KAZN: variants seen among roughly 807,000 people sequenced by gnomAD.
KAZN encodes kazrin.
KAZN carries 40 observed loss-of-function variants against 87.4 expected under a neutral mutation model. The observed-to-expected ratio is 0.46, with a 90% confidence interval of 0.36 to 0.60. The LOEUF is 0.60. Among genes scored for constraint, KAZN ranks in the 20% least tolerant of loss-of-function variants. KAZN has a pLI of 0.00. For synonymous variants in KAZN, 466 were observed against 458.3 expected, an observed-to-expected ratio of 1.02 and a Z score of -0.22; for missense variants, 898 against 1,073.9, an observed-to-expected ratio of 0.84 and a Z score of 2.29.
In KAZN at chr1:14,129,156, A is replaced by T. The variant is rs186391637; in HGVS notation, c.92-51279A>T. Among the ~76,000 whole-genome samples the T allele has an allele frequency of 4.3e-4, 65 of 152,280 alleles. No homozygotes were observed. The East Asian group carries it at 9.1e-3, about 21-fold the overall frequency. ...ATAGGGACTCACATGGTACCCTATC[A>T]GTGGAGTTGAATTTATTGAAGTTGC... On this transcript the variant is annotated intron_variant, in intron 1 of 16. Coordinates refer to the KAZN transcript ENST00000636203.
At chr1:14,587,874 T>A (rs921079836) in intron 2 of KAZN, among the ~76,000 whole-genome samples, 2 of 152,108 alleles carry the variant, frequency 1.3e-5, no homozygotes, top group African/African-American at 4.8e-5. Flanking sequence ...AGATGACTGT[T>A]CCAACATCAT....
chr1:14,511,116 A>G (rs374786410), intron 2 of KAZN, among the ~76,000 whole-genome samples: 204 of 139,362 alleles, frequency 1.5e-3, no homozygotes, highest in African/African-American at 5.2e-3. Context: ...GGGGGGTGGG[A>G]GGGTGGTCCC....
At chr1:14,815,046 G>A (rs1646523043) in intron 1 of KAZN, among the ~76,000 whole-genome samples, 6 of 152,116 alleles carry the variant, frequency 3.9e-5, no homozygotes, top group Admixed American at 2.0e-4. Flanking sequence ...CCTGAGTGGG[G>A]CTCTGATCAG....
intron 2 of KAZN, among the ~76,000 whole-genome samples, chr1:14,269,225 A>G (rs1046428231): frequency 1.3e-5 from 2 of 152,156 alleles, no homozygotes; most frequent in Non-Finnish European, 2.9e-5. Context: ...CACGTATATA[A>G]ACAGATACAC....
At chr1:15,103,682 A>T (rs1016618819) in intron 12 of KAZN, among the ~76,000 whole-genome samples, 1 of 151,558 alleles carries the variant, frequency 6.6e-6, no homozygotes, top group Non-Finnish European at 1.5e-5. Flanking sequence ...GGAGGAGGGA[A>T]CTGCTTACCT....
chr1:14,837,114 A>T (rs1647337978), intron 1 of KAZN, among the ~76,000 whole-genome samples: 1 of 152,162 alleles, frequency 6.6e-6, no homozygotes, highest in African/African-American at 2.4e-5. Context: ...TTTTTAAAAA[A>T]TTTTTAGAAA....
chr1:14,594,915 G>A (rs574680323), upstream of KAZN, among the ~76,000 whole-genome samples: 1 of 152,282 alleles, frequency 6.6e-6, no homozygotes, highest in South Asian at 2.1e-4. Flanking sequence ...GGGAGGCCAA[G>A]GCAGGTGGAT....
rs560321791 is a variant in KAZN at position 14,873,638 on chromosome 1, A to T, written c.227-87046A>T. Among the ~76,000 whole-genome samples the T allele has an allele frequency of 2.9e-4, 44 of 152,338 alleles. 1 individual carries two copies. The highest frequency in any genetic ancestry group is 7.9e-4 in the African/African-American group (33 of 41,594). On this transcript the variant is annotated intron_variant, in intron 1 of 14. Coordinates refer to ENST00000376030, the MANE Select transcript of KAZN (RefSeq NM_201628.3). ...GGAAGACTTTGCTTTCCTCTCAGTG[A>T]AATGAGAAGCCAGTGGTGGGCTTTG...
chr1:14,073,454 G>T (rs1643323056), intron 1 of KAZN, among the ~76,000 whole-genome samples: 1 of 151,910 alleles, frequency 6.6e-6, no homozygotes, highest in South Asian at 2.1e-4. Context: ...AGAATGTGCG[G>T]GTTTGTTGCA....
intron 2 of KAZN, among the ~76,000 whole-genome samples, chr1:14,969,553 G>A (rs1460420277): frequency 2.6e-5 from 4 of 152,214 alleles, no homozygotes; most frequent in Non-Finnish European, 2.9e-5. Flanking sequence ...TAACTCTACA[G>A]ACAGAATGTC....
intron 1 of KAZN, among the ~76,000 whole-genome samples, chr1:14,915,100 T>A (rs1657662460): frequency 6.6e-6 from 1 of 152,070 alleles, no homozygotes; most frequent in African/African-American, 2.4e-5. Flanking sequence ...GGCAGGAGAA[T>A]TGCTTGAACC....
At chr1:14,576,327 TGG>T (rs773678532) in intron 2 of KAZN, among the ~76,000 whole-genome samples, 14,323 of 149,052 alleles carry the variant, frequency 0.096, 744 homozygotes, top group Non-Finnish European at 0.12. Flanking sequence ...GATGGATGGA[TGG>T]ATGGACGGAC....
chr1:14,374,062 G>A (rs958855375), intron 2 of KAZN, among the ~76,000 whole-genome samples: 1 of 152,176 alleles, frequency 6.6e-6, no homozygotes, highest in Admixed American at 6.5e-5. Context: ...GTTGGAGGAG[G>A]TTGATAATTA....
At chr1:14,175,667 A>G (rs12028521) in intron 1 of KAZN, among the ~76,000 whole-genome samples, 22,965 of 152,164 alleles carry the variant, frequency 0.15, 2,070 homozygotes, top group East Asian at 0.36. Context: ...CCGCTAGCCT[A>G]CTTAGAGTGA....
At chr1:14,604,972 G>C (rs1677247606) in intron 1 of KAZN, among the ~76,000 whole-genome samples, 1 of 152,196 alleles carries the variant, frequency 6.6e-6, no homozygotes, top group Non-Finnish European at 1.5e-5. Context: ...TGTTACCTTT[G>C]TGGGGATGTA....
intron 2 of KAZN, among the ~76,000 whole-genome samples, chr1:14,322,280 T>C (rs987199309): frequency 2.6e-5 from 4 of 151,594 alleles, no homozygotes; most frequent in Non-Finnish European, 5.9e-5. Context: ...ATAAATAAAG[T>C]AAGTAAATAA....
intron 2 of KAZN, among the ~76,000 whole-genome samples, chr1:14,201,249 T>C (rs1646633389): frequency 6.6e-6 from 1 of 152,244 alleles, no homozygotes; most frequent in Admixed American, 6.5e-5. Flanking sequence ...TCTTTCCTTT[T>C]CTTCTTTTCC....
At chr1:14,860,578 G>T (rs900062744) in intron 1 of KAZN, among the ~76,000 whole-genome samples, 1 of 152,192 alleles carries the variant, frequency 6.6e-6, no homozygotes, top group Non-Finnish European at 1.5e-5. Context: ...TCTGGAATTT[G>T]TTGAGATTTT....
intron 1 of KAZN, among the ~76,000 whole-genome samples, chr1:14,630,524 G>A (rs1357598780): frequency 6.6e-6 from 1 of 152,110 alleles, no homozygotes; most frequent in African/African-American, 2.4e-5. Context: ...TCATCTCTAT[G>A]TTAATTAATT....
Sources: gnomAD v4.1 joint callset for allele counts (sites outside exome capture counted in the v4.1 genomes callset) on GRCh38, gnomAD v4.1.1 for gene constraint, MANE v1.5 for transcripts, NCBI Gene and HGNC (gene_info 2026-07-23, HGNC 2026-07-21) for gene names.